The following FBXW11 variants were observed in gnomAD, a reference collection of about 807,000 sequenced individuals.
The protein encoded by FBXW11 is F-box/WD repeat-containing protein 11.
In FBXW11, 19 loss-of-function variants were observed where a neutral mutation model predicts 77.6. That is an observed-to-expected ratio of 0.24 (90% confidence interval 0.17 to 0.36). The LOEUF (loss-of-function observed/expected upper bound fraction) is 0.36. Among genes scored for constraint, FBXW11 ranks in the 10% least tolerant of loss-of-function variants. The probability of loss-of-function intolerance (pLI) is 1.00; values close to 1 mark genes in which losing one functional copy is unlikely to be tolerated. For synonymous variants in FBXW11, 235 were observed against 249.4 expected (o/e 0.94, Z 0.54); for missense variants, 334 against 704.2 (o/e 0.47, Z 5.95).
chr5:171,880,989 G>A (rs1050928466), intron 7 of FBXW11, among the ~76,000 whole-genome samples: 1 of 152,148 alleles, frequency 6.6e-6, no homozygotes, highest in African/African-American at 2.4e-5. Flanking sequence ...GAGCCACCGC[G>A]CCCAGCCATG....
chr5:171,875,416 C>T (rs1056146061), intron 9 of FBXW11, among the ~76,000 whole-genome samples: 1 of 152,190 alleles, frequency 6.6e-6, no homozygotes, highest in South Asian at 2.1e-4. Context: ...AATCCCAAGA[C>T]AGAAGGTAGA....
intron 2 of FBXW11, among the ~76,000 whole-genome samples, chr5:171,927,298 C>A (rs1761943816): frequency 6.6e-6 from 1 of 152,118 alleles, no homozygotes; most frequent in Middle Eastern, 3.2e-3. Flanking sequence ...TTGTGATATG[C>A]AAAATATACC....
chr5:171,908,439 G>C, intron 4 of FBXW11, among the ~76,000 whole-genome samples: 1 of 152,154 alleles, frequency 6.6e-6, no homozygotes, highest in Non-Finnish European at 1.5e-5. Flanking sequence ...ATCAAGATGT[G>C]TGATTCTGGG....
chr5:171,943,461 T>G (rs1762848870), intron 2 of FBXW11, among the ~76,000 whole-genome samples: 1 of 152,094 alleles, frequency 6.6e-6, no homozygotes, highest in African/African-American at 2.4e-5. Context: ...CAGATCTTCT[T>G]TTTTAGTTTT....
At chr5:171,882,851 T>C (rs964544708) in intron 7 of FBXW11, among the ~76,000 whole-genome samples, 3 of 152,122 alleles carry the variant, frequency 2.0e-5, no homozygotes, top group African/African-American at 7.2e-5. Flanking sequence ...CTAAGTTCTT[T>C]AGTGGTGATT....
At chr5:171,897,977 G>C (rs1759861622) in intron 6 of FBXW11, among the ~76,000 whole-genome samples, 2 of 152,060 alleles carry the variant, frequency 1.3e-5, no homozygotes. Flanking sequence ...TAAACTTTAT[G>C]ATTTATCTAG....
At chr5:171,879,314 C>A (rs1035073067) in intron 7 of FBXW11, among the ~76,000 whole-genome samples, 9 of 152,110 alleles carry the variant, frequency 5.9e-5, no homozygotes, top group Admixed American at 3.9e-4. Flanking sequence ...TGAAAATTAT[C>A]CCACTGTCTA....
At chr5:171,868,564 G>A in intron 13 of FBXW11, 46 bp downstream of exon 13, 6 of 1,493,620 alleles carry the variant, frequency 4.0e-6, no homozygotes, top group Non-Finnish European at 4.5e-6. Flanking sequence ...CCAAAGGGAA[G>A]GTGAATTCAA....
Position 171,876,022 on chromosome 5 carries a change from C to T in FBXW11, c.1221+263G>A, listed in dbSNP as rs190012949. 2.0e-5 allele frequency among the ~76,000 whole-genome samples: 3 copies of T among 152,198 alleles called. No homozygotes were observed. Among genetic ancestry groups the T allele is most frequent in the African/African-American group, 4.8e-5 (2 of 41,510 alleles). ...CCCAACACACAATACATGATCAACA[C>T]GTTAGCACTCTTCCCCTTAAAAAGG... On this transcript the variant is annotated intron_variant, in intron 9 of 13. Transcript: ENST00000517395. The surrounding 1 kb of genome is among the most constrained non-coding windows in gnomAD (Gnocchi z 4.2).
chr5:171,970,613 A>T lies in FBXW11; in HGVS notation c.46-12915T>A, dbSNP rs546620857. Among the ~76,000 whole-genome samples the T allele has an allele frequency of 3.0e-4, 46 of 152,364 alleles. No individual in the cohort carries two copies. In the South Asian group the frequency reaches 9.3e-3, roughly 31 times the overall value. ...AAAGACTTAACAGGCCCCTACACCA[A>T]ATAAATACATGTTCCAAGTTAGTAG... On this transcript the variant is annotated intron_variant, in intron 1 of 13. Coordinates refer to ENST00000517395, the MANE Select transcript of FBXW11 (RefSeq NM_001378974.1).
intron 2 of FBXW11, among the ~76,000 whole-genome samples, chr5:171,949,937 C>T (rs753724898): frequency 2.6e-5 from 4 of 152,096 alleles, no homozygotes; most frequent in Non-Finnish European, 4.4e-5. Flanking sequence ...CCTAAATGTG[C>T]ACACTGTCTT....
At chr5:171,947,010 C>T (rs1763048449) in intron 2 of FBXW11, among the ~76,000 whole-genome samples, 1 of 151,930 alleles carries the variant, frequency 6.6e-6, no homozygotes, top group Non-Finnish European at 1.5e-5. Context: ...AGACAGAGTT[C>T]ACCATGTTAG....
rs552643242 is a variant in FBXW11 at position 172,005,797 on chromosome 5, G to A, written c.45+661C>T. Reference sequence around the variant, plus strand: ...GGAGGATGGAATCCAGAGTACCTGGGCCCTTGCTATGCAAACATCCCTCTC... The same window carrying A: ...GGAGGATGGAATCCAGAGTACCTGGACCCTTGCTATGCAAACATCCCTCTC... On this transcript the variant is annotated intron_variant, in intron 1 of 13. Transcript: ENST00000517395. 1.5e-4 allele frequency among the ~76,000 whole-genome samples: 23 copies of A among 152,242 alleles called. No individual in the cohort carries two copies. In the South Asian group the frequency reaches 4.6e-3, roughly 30 times the overall value.
chr5:171,940,150 T>C (rs1176016455), intron 2 of FBXW11, among the ~76,000 whole-genome samples: 2 of 152,164 alleles, frequency 1.3e-5, no homozygotes, highest in African/African-American at 2.4e-5. Flanking sequence ...TTGATATGCA[T>C]TCTGGGGTTG....
chr5:171,962,855 C>G (rs1159665024), intron 1 of FBXW11, among the ~76,000 whole-genome samples: 2 of 152,122 alleles, frequency 1.3e-5, no homozygotes, highest in African/African-American at 2.4e-5. Flanking sequence ...CTCAAAGAAG[C>G]AGTTCTTTTA....
intron 6 of FBXW11, among the ~76,000 whole-genome samples, chr5:171,896,662 A>T (rs1759762025): frequency 6.6e-6 from 1 of 152,236 alleles, no homozygotes; most frequent in Non-Finnish European, 1.5e-5. Context: ...CTTCTACTTA[A>T]CTATGTAGCA....
chr5:171,901,027 C>G (rs1280392080), intron 4 of FBXW11, among the ~76,000 whole-genome samples: 2 of 152,120 alleles, frequency 1.3e-5, no homozygotes, highest in Non-Finnish European at 2.9e-5. Context: ...GACGAGAACA[C>G]AGAACTTATC....
chr5:171,893,583 T>A (rs1759536041), intron 6 of FBXW11, among the ~76,000 whole-genome samples: 1 of 152,070 alleles, frequency 6.6e-6, no homozygotes, highest in South Asian at 2.1e-4. Flanking sequence ...AGAGAAACAA[T>A]GTATTTTTAG....
chr5:171,993,386 G>A (rs1765855876), intron 1 of FBXW11, among the ~76,000 whole-genome samples: 1 of 152,078 alleles, frequency 6.6e-6, no homozygotes, highest in South Asian at 2.1e-4. Flanking sequence ...GGCCCAGGCG[G>A]GTGGATCACA....
Sources: allele counts gnomAD v4.1 joint callset (sites outside exome capture counted in the v4.1 genomes callset), GRCh38; gene constraint gnomAD v4.1.1; non-coding constraint Gnocchi (gnomAD v3.1); transcripts MANE v1.5; gene names NCBI Gene and HGNC (gene_info 2026-07-23, HGNC 2026-07-21).